Variants in UBR1 observed in about 807,000 individuals in gnomAD.
UBR1 encodes E3 ubiquitin-protein ligase UBR1.
Under a neutral mutation model 242.1 loss-of-function variants are expected in UBR1, and 102 were observed. The observed-to-expected ratio is 0.42, with a 90% confidence interval of 0.36 to 0.50. The LOEUF (loss-of-function observed/expected upper bound fraction) is 0.50, where lower values mean the gene tolerates loss of function less well. Ranked by LOEUF, UBR1 falls within the 20% of genes least tolerant of loss-of-function variation. The pLI, the probability that UBR1 is intolerant of heterozygous loss-of-function variation, is 0.01. For synonymous variants in UBR1, 675 were observed against 684.8 expected, an observed-to-expected ratio of 0.99 and a Z score of 0.22; for missense variants, 1,772 against 2,101.8, an observed-to-expected ratio of 0.84 and a Z score of 3.07.
intron 45 of UBR1, 91 bp from the exon 46 acceptor site, chr15:42,950,454 C>A: frequency 9.6e-7 from 1 of 1,046,400 alleles, no homozygotes; most frequent in South Asian, 1.3e-5. Flanking sequence ...AAAGACGTGG[C>A]CAATATCTGT....
intron 46 of UBR1, 105 bp downstream of exon 46, chr15:42,950,157 T>A (rs1274987382): frequency 1.8e-6 from 2 of 1,107,550 alleles, no homozygotes; most frequent in Non-Finnish European, 2.7e-6. Context: ...CTTTTGTGAT[T>A]AAAGAACTAT....
chr15:43,011,887 A>G (rs2032927716), intron 29 of UBR1: 3 of 451,654 alleles, frequency 6.6e-6, no homozygotes, highest in Non-Finnish European at 1.3e-5. Flanking sequence ...CTATTATATA[A>G]CCACATCAGA....
chr15:43,006,316 C>T (rs1158931772), intron 30 of UBR1, among the ~76,000 whole-genome samples: 1 of 152,094 alleles, frequency 6.6e-6, no homozygotes, highest in African/African-American at 2.4e-5. Flanking sequence ...AAGTGCCTGG[C>T]AATGTTAAGT....
intron 12 of UBR1, among the ~76,000 whole-genome samples, chr15:43,049,612 T>C (rs1391117290): frequency 6.6e-6 from 1 of 152,180 alleles, no homozygotes; most frequent in African/African-American, 2.4e-5. Context: ...AATACATTTT[T>C]TTTGAACTGC....
In UBR1 at chr15:43,038,248, C is replaced by T. The variant is rs756416527; in HGVS notation, c.1850-16G>A. The T allele has an allele frequency of 8.1e-6, 13 of 1,613,384 alleles. No individual in the cohort carries two copies. In the East Asian group the frequency reaches 8.9e-5, roughly 11 times the overall value. On this transcript the variant is annotated splice_polypyrimidine_tract_variant and intron_variant, in intron 15 of 46. Transcript: ENST00000290650. ...ACATGAAGACCTAAAGTTAAAAAAA[C>T]GAGAGAGAAAATGAGAAAACAAACC...
chr15:43,038,467 G>A (rs2033367202), intron 15 of UBR1, among the ~76,000 whole-genome samples: 1 of 152,092 alleles, frequency 6.6e-6, no homozygotes, highest in Non-Finnish European at 1.5e-5. Flanking sequence ...AATTAGCCGG[G>A]CCTGTAATCC....
intron 32 of UBR1, among the ~76,000 whole-genome samples, 176 bp downstream of exon 32, chr15:43,002,379 T>C (rs931650299): frequency 1.3e-5 from 2 of 151,936 alleles, no homozygotes; most frequent in East Asian, 3.9e-4. Context: ...CACACCTGGC[T>C]AATTTTTTTT....
intron 1 of UBR1, among the ~76,000 whole-genome samples, chr15:43,087,410 A>T (rs756559895): frequency 1.1e-4 from 16 of 152,312 alleles, no homozygotes; most frequent in South Asian, 2.1e-4. Flanking sequence ...AACTCAAAAA[A>T]AAAATAAAAT....
chr15:43,004,322 A>G (rs2032770184), intron 30 of UBR1, among the ~76,000 whole-genome samples: 1 of 152,002 alleles, frequency 6.6e-6, no homozygotes, highest in Non-Finnish European at 1.5e-5. Flanking sequence ...AAAAGCACAG[A>G]TTGGATCTCC....
chr15:43,015,131 T>A (rs1036845865), intron 29 of UBR1, among the ~76,000 whole-genome samples: 5 of 152,134 alleles, frequency 3.3e-5, no homozygotes, highest in African/African-American at 1.2e-4. Context: ...CACCACCCCG[T>A]CTGGGAGGTG....
intron 32 of UBR1, among the ~76,000 whole-genome samples, chr15:42,998,937 C>CTTTTTTTTTT (rs35098054): frequency 1.6e-5 from 2 of 121,268 alleles, no homozygotes; most frequent in Non-Finnish European, 3.3e-5. Flanking sequence ...GGAGCCTTTG[C>CTTTTTTTTTT]TTTTTTTTTT....
intron 10 of UBR1, among the ~76,000 whole-genome samples, chr15:43,057,843 C>G (rs944934123): frequency 6.6e-6 from 1 of 151,994 alleles, no homozygotes; most frequent in Non-Finnish European, 1.5e-5. Context: ...TATCTCTTCT[C>G]TAAGAATGCT....
At chr15:42,977,682 CTT>C (rs201655415) in intron 38 of UBR1, among the ~76,000 whole-genome samples, 196 bp downstream of exon 38, 377 of 124,122 alleles carry the variant, frequency 3.0e-3, no homozygotes, top group African/African-American at 8.2e-3. Context: ...AATTGAAGTG[CTT>C]TTTTTTTTTT....
intron 44 of UBR1, among the ~76,000 whole-genome samples, chr15:42,956,418 C>T (rs567011729): frequency 2.0e-4 from 31 of 152,316 alleles, no homozygotes; most frequent in African/African-American, 7.5e-4. Context: ...CTCCTGGGTT[C>T]AAGTGATTCT....
Position 43,095,198 on chromosome 15 carries a change from T to C in UBR1, c.82-8958A>G, listed in dbSNP as rs531187191. 1.8e-3 allele frequency among the ~76,000 whole-genome samples: 275 copies of C among 152,298 alleles called. 1 individual carries two copies. Among genetic ancestry groups the C allele is most frequent in the African/African-American group, 6.5e-3 (268 of 41,538 alleles). Reference sequence around the variant, plus strand: ...AAAAAATTGATAAATTAACAGACTTTCCCTCCAGTGGCTAAAGTCATTTCT... The same window carrying C: ...AAAAAATTGATAAATTAACAGACTTCCCCTCCAGTGGCTAAAGTCATTTCT... On this transcript the variant is annotated intron_variant, in intron 1 of 46. Transcript: ENST00000290650.
intron 33 of UBR1, among the ~76,000 whole-genome samples, chr15:42,992,154 T>C (rs1420171023): frequency 1.3e-5 from 2 of 152,226 alleles, no homozygotes; most frequent in Admixed American, 1.3e-4. Context: ...CCTATTTTTC[T>C]GATAACTTCT....
chr15:43,008,398 A>G (rs1178478086), intron 29 of UBR1, among the ~76,000 whole-genome samples: 1 of 152,246 alleles, frequency 6.6e-6, no homozygotes, highest in Non-Finnish European at 1.5e-5. Flanking sequence ...GTGTGTGCAC[A>G]CTAGGGGCGG....
intron 2 of UBR1, among the ~76,000 whole-genome samples, chr15:43,085,321 G>C (rs943242708): frequency 1.3e-5 from 2 of 152,226 alleles, no homozygotes; most frequent in Non-Finnish European, 2.9e-5. Flanking sequence ...GAAGTATTCA[G>C]AATTCTGAAA....
chr15:43,047,499 G>C (rs1437879815), intron 13 of UBR1, among the ~76,000 whole-genome samples: 1 of 152,238 alleles, frequency 6.6e-6, no homozygotes, highest in Non-Finnish European at 1.5e-5. Flanking sequence ...ATTTCTAGCT[G>C]TGTGACCCTG....
Sources: gnomAD v4.1 joint callset for allele counts (sites outside exome capture counted in the v4.1 genomes callset) on GRCh38, gnomAD v4.1.1 for gene constraint, MANE v1.5 for transcripts, NCBI Gene and HGNC (gene_info 2026-07-23, HGNC 2026-07-21) for gene names.